The following C2CD3 variants were observed in gnomAD, a reference collection of about 807,000 sequenced individuals.
C2CD3 encodes the protein C2 domain containing 3 centriole elongation regulator, also known as C2 domain-containing protein 3.
A neutral mutation model predicts 234.0 loss-of-function variants in C2CD3; 148 were observed. The ratio of observed to expected loss-of-function variants is 0.63; its 90% CI spans 0.55 to 0.72. The LOEUF is 0.72. C2CD3 is among the 30% of genes least tolerant of loss of function. The pLI is 0.00. For synonymous variants in C2CD3, 1,000 were observed against 1,035.4 expected (o/e 0.97, Z 0.66); for missense variants, 2,577 against 2,811.5 (o/e 0.92, Z 1.89).
At chr11:74,097,694 G>C (rs1340731281) in intron 16 of C2CD3, among the ~76,000 whole-genome samples, 5 of 152,196 alleles carry the variant, frequency 3.3e-5, no homozygotes, top group Non-Finnish European at 7.3e-5. Context: ...GATTTTGCTG[G>C]CTTACATTTG....
intron 7 of C2CD3, among the ~76,000 whole-genome samples, chr11:74,123,865 A>G (rs528839609): frequency 0.011 from 1,704 of 150,450 alleles, 32 homozygotes; most frequent in African/African-American, 0.04. Flanking sequence ...TAGCTTCCCT[A>G]GTAGCTGGGA....
rs1249812393 is a variant in C2CD3 at position 74,095,208 on chromosome 11, A to T, written c.3160+20T>A. 6.6e-7 allele frequency: 1 copy of T among 1,520,398 alleles called. No individual in the cohort carries two copies. The highest frequency in any genetic ancestry group is 2.1e-5 in the Admixed American group (1 of 48,748). The allele number at this position is 1,520,398 out of a possible 1,614,324, so 94.2% of individuals were successfully genotyped here. A position where few individuals can be genotyped will look rare whatever the true frequency, so the allele number is the denominator to read the frequency against. ...TAAAAGAACCATATAAGAATAAGAA[A>T]GCCTAATATCTAAACCTACCATTTT... On this transcript the variant is annotated intron_variant, in intron 17 of 32. Coordinates refer to ENST00000334126, the MANE Select transcript of C2CD3 (RefSeq NM_001286577.2).
chr11:74,056,587 T>C (rs1336522328), intron 25 of C2CD3, among the ~76,000 whole-genome samples: 3 of 152,234 alleles, frequency 2.0e-5, no homozygotes, highest in Non-Finnish European at 4.4e-5. Context: ...AGAGATGTTA[T>C]GTAACTTGAT....
intron 32 of C2CD3, among the ~76,000 whole-genome samples, chr11:74,021,514 A>T (rs1952082228): frequency 6.6e-6 from 1 of 152,180 alleles, no homozygotes; most frequent in Admixed American, 6.5e-5. Context: ...AGTAGGGGAA[A>T]TGAGGGAGAC....
chr11:74,049,198 A>T (rs1953546432), intron 27 of C2CD3, 139 bp downstream of exon 27: 1 of 679,534 alleles, frequency 1.5e-6, no homozygotes, highest in Non-Finnish European at 2.5e-6. Context: ...TCATCACCCC[A>T]AAAGGTCAGG....
Position 74,093,931 on chromosome 11 carries a change from G to A in C2CD3, c.3229C>T (p.His1077Tyr), listed in dbSNP as rs1306203959. Residue 1077 changes from histidine to tyrosine, a missense_variant, in exon 18 of 33, where the codon CAC becomes TAC. Physicochemically the swap from His to Tyr is moderately conservative, Grantham distance 83. Transcript: ENST00000334126. ...CVPDPIFNSEHHHSLLLPAEV... is the reference protein window; with the variant it reads ...CVPDPIFNSEYHHSLLLPAEV... ...GCTGGCAACAGGAGAGAGTGATGGT[G>A]TTCACTATTAAAGATGGGATCTGGA... 8 of 1,613,910 alleles carry A rather than the reference G, an allele frequency of 5.0e-6. No individual in the cohort carries two copies. The South Asian group carries it at 6.6e-5, about 13-fold the overall frequency.
At chr11:74,078,956 G>A (rs1591409573) in intron 22 of C2CD3, among the ~76,000 whole-genome samples, 1 of 152,166 alleles carries the variant, frequency 6.6e-6, no homozygotes. Flanking sequence ...AGAACTAGTG[G>A]TTTATTATGA....
At chr11:74,043,405 G>A (rs11822938) in intron 28 of C2CD3, among the ~76,000 whole-genome samples, 1,983 of 152,256 alleles carry the variant, frequency 0.013, 40 homozygotes, top group African/African-American at 0.046. Context: ...GGCATGAGTT[G>A]CTTCTACTTT....
chr11:74,062,627 G>C (rs1954300402), intron 24 of C2CD3, among the ~76,000 whole-genome samples: 1 of 152,126 alleles, frequency 6.6e-6, no homozygotes, highest in Non-Finnish European at 1.5e-5. Flanking sequence ...TTAAAGCAGT[G>C]TGTAGAGGGA....
intron 23 of C2CD3, 136 bp downstream of exon 23, chr11:74,077,979 T>C (rs1484739470): frequency 8.6e-6 from 9 of 1,041,588 alleles, no homozygotes. Flanking sequence ...TTTATGAATG[T>C]AAAATGGGTA....
chr11:74,110,631 A>C (rs1956708127), intron 11 of C2CD3: 1 of 152,254 alleles, frequency 6.6e-6, no homozygotes, highest in South Asian at 2.1e-4. Context: ...CTTTATGTAC[A>C]AACAATCCTA....
At chr11:74,057,364 A>T in intron 25 of C2CD3, 42 bp downstream of exon 25, 1 of 1,611,452 alleles carries the variant, frequency 6.2e-7, no homozygotes, top group Non-Finnish European at 8.5e-7. Context: ...TTGGAACAAA[A>T]AGCAGATTCT....
At chr11:74,168,712 T>A in intron 1 of C2CD3, 99 bp from the exon 2 acceptor site, 2 of 1,099,534 alleles carry the variant, frequency 1.8e-6, no homozygotes, top group Non-Finnish European at 2.6e-6. Flanking sequence ...ACTTTAGTCT[T>A]AAGTTCAGCA....
Position 74,138,984 on chromosome 11 carries a change from G to A in C2CD3, c.708-17C>T, listed in dbSNP as rs1675624554. The A allele has an allele frequency of 7.5e-6, 12 of 1,590,578 alleles. No homozygotes were observed. Among genetic ancestry groups the A allele is most frequent in the Non-Finnish European group, 9.5e-6 (11 of 1,163,370 alleles). The stretch of plus-strand genomic sequence containing the variant: ...TCTTTTCCCCTGTTTTTTTAAAAAG[G>A]GAGAACATCAGCAATATATAATCTA... On this transcript the variant is annotated splice_polypyrimidine_tract_variant and intron_variant, in intron 4 of 32. Transcript: ENST00000334126.
chr11:74,041,020 G>A (rs1377282551), intron 29 of C2CD3, among the ~76,000 whole-genome samples: 2 of 141,274 alleles, frequency 1.4e-5, no homozygotes, highest in Admixed American at 7.4e-5. Flanking sequence ...AATAAAAACT[G>A]ACAAACATGA....
intron 15 of C2CD3, 41 bp from the exon 16 acceptor site, chr11:74,098,296 C>T (rs889167410): frequency 6.9e-6 from 11 of 1,594,672 alleles, no homozygotes; most frequent in Non-Finnish European, 9.4e-6. Flanking sequence ...TAACAAGCAT[C>T]AATCATGTCA....
Position 74,098,151 on chromosome 11 carries a change from C to T in C2CD3, c.2837G>A (p.Ser946Asn). The T allele has an allele frequency of 1.9e-6, 3 of 1,614,058 alleles. No individual in the cohort carries two copies. Among genetic ancestry groups the T allele is most frequent in the Non-Finnish European group, 2.5e-6 (3 of 1,179,986 alleles). Residue 946 changes from serine to asparagine, a missense_variant, in exon 16 of 33, where the codon AGT becomes AAT. Physicochemically the swap from Ser to Asn is conservative, Grantham distance 46 (BLOSUM62 1). Coordinates refer to ENST00000334126, the MANE Select transcript of C2CD3 (RefSeq NM_001286577.2). ...ACCCATAGCTAAAAAGACTCGAAGACTCCCATTTTGGTGGCCTGAAAACAC... is the reference window on the plus strand; with the variant it reads ...ACCCATAGCTAAAAAGACTCGAAGATTCCCATTTTGGTGGCCTGAAAACAC... ...IDVFSGHQNG[S>N]LRVFLAMGSS...
chr11:74,040,494 C>T (rs968809772), intron 29 of C2CD3, among the ~76,000 whole-genome samples: 24 of 151,582 alleles, frequency 1.6e-4, no homozygotes, highest in African/African-American at 5.6e-4. Flanking sequence ...GTCTTTTGGC[C>T]GGGTGCAATG....
intron 22 of C2CD3, among the ~76,000 whole-genome samples, chr11:74,081,560 T>C (rs1955361033): frequency 6.6e-6 from 1 of 152,106 alleles, no homozygotes; most frequent in South Asian, 2.1e-4. Context: ...TCTGAGAAAA[T>C]ATTTTACAAA....
Sources: allele counts gnomAD v4.1 joint callset (sites outside exome capture counted in the v4.1 genomes callset), GRCh38; gene constraint gnomAD v4.1.1; transcripts MANE v1.5; gene names NCBI Gene and HGNC (gene_info 2026-07-23, HGNC 2026-07-21).